ULK4: variants seen among roughly 807,000 people sequenced by gnomAD.
The protein encoded by ULK4 is unc-51 like kinase 4, also known as inactive serine/threonine-protein kinase ULK4.
In ULK4, 133 loss-of-function variants were observed where a neutral mutation model predicts 160.6. That is an observed-to-expected ratio of 0.83 (90% confidence interval 0.72 to 0.96). The LOEUF (loss-of-function observed/expected upper bound fraction) is 0.96, where lower values mean the gene tolerates loss of function less well. Among genes scored for constraint, ULK4 ranks in the 40% least tolerant of loss-of-function variants. The pLI is 0.00. For missense variants in ULK4, 1,580 were observed against 1,499.5 expected, an observed-to-expected ratio of 1.05 and a Z score of -0.89; for synonymous variants, 534 against 539.8, an observed-to-expected ratio of 0.99 and a Z score of 0.15.
chr3:41,691,282 GCA>G (rs2036289492), intron 27 of ULK4, among the ~76,000 whole-genome samples: 1 of 151,916 alleles, frequency 6.6e-6, no homozygotes, highest in Non-Finnish European at 1.5e-5. Context: ...CCCAAGGGAA[GCA>G]TCAGGGGGAA....
chr3:41,442,270 T>C (rs1157161451), intron 34 of ULK4, among the ~76,000 whole-genome samples: 1 of 152,152 alleles, frequency 6.6e-6, no homozygotes, highest in Non-Finnish European at 1.5e-5. Flanking sequence ...GAAAAACGGG[T>C]AACATAAGAT....
chr3:41,895,577 ATT>A lies in ULK4; in HGVS notation c.1531-15_1531-14del. ...TTAGCAATTGGAACTAGAATAAGAAATTTAAGTGTAAAGAAAAGAAAAAATTA... is the reference window on the plus strand; with the variant it reads ...TTAGCAATTGGAACTAGAATAAGAAATAAGTGTAAAGAAAAGAAAAAATTA... On this transcript the variant is annotated splice_polypyrimidine_tract_variant and intron_variant, in intron 15 of 36. Transcript: ENST00000301831. 1 of 1,484,312 alleles carries A rather than the reference ATT, an allele frequency of 6.7e-7. No individual in the cohort carries two copies. Among genetic ancestry groups the A allele is most frequent in the Non-Finnish European group, 9.0e-7 (1 of 1,115,082 alleles). 91.9% of individuals were successfully genotyped at this position (1,484,312 alleles called of 1,614,324 possible). A position where few individuals can be genotyped will look rare whatever the true frequency, so the allele number is the denominator to read the frequency against.
Position 41,398,232 on chromosome 3 carries a change from A to G in ULK4, c.3525T>C (p.Val1175=). The G allele has an allele frequency of 6.2e-7, 1 of 1,611,896 alleles. No individual in the cohort carries two copies. Among genetic ancestry groups the G allele is most frequent in the Non-Finnish European group, 8.5e-7 (1 of 1,179,362 alleles). Residue 1175 remains valine, a synonymous_variant, in exon 35 of 37, where the codon GTT becomes GTC. Coordinates refer to ENST00000301831, the MANE Select transcript of ULK4 (RefSeq NM_017886.4). ...LPNEDPEIFD[V]SSKCLSILVQ... is the part of the protein sequence containing the mutation. ...CCAGTATAGACAGGCACTTGGATGA[A>G]ACATCAAAAATCTCAGGATCTTCAT...
chr3:41,523,066 G>A (rs997985643), intron 32 of ULK4, among the ~76,000 whole-genome samples: 4 of 151,896 alleles, frequency 2.6e-5, no homozygotes, highest in Admixed American at 1.3e-4. Flanking sequence ...TCACCACCAC[G>A]CCCGACTAAT....
At chr3:41,633,723 T>C (rs2033839904) in intron 30 of ULK4, among the ~76,000 whole-genome samples, 1 of 152,020 alleles carries the variant, frequency 6.6e-6, no homozygotes, top group South Asian at 2.1e-4. Flanking sequence ...AAAGCAATGA[T>C]GAGGGGTATT....
chr3:41,567,608 G>A (rs553055612), intron 31 of ULK4, among the ~76,000 whole-genome samples: 18 of 151,898 alleles, frequency 1.2e-4, no homozygotes, highest in African/African-American at 4.1e-4. Flanking sequence ...CGTCATACCC[G>A]GCTAATTTTT....
At chr3:41,696,802 A>G (rs1295017240) in intron 27 of ULK4, among the ~76,000 whole-genome samples, 1 of 152,198 alleles carries the variant, frequency 6.6e-6, no homozygotes, top group Non-Finnish European at 1.5e-5. Flanking sequence ...TATAATAATA[A>G]GGATCCTTAA....
chr3:41,552,990 C>T (rs1039039666), intron 32 of ULK4, among the ~76,000 whole-genome samples: 2 of 151,968 alleles, frequency 1.3e-5, no homozygotes, highest in African/African-American at 4.8e-5. Flanking sequence ...ATGCCAAAAA[C>T]ATACAATGGA....
intron 34 of ULK4, among the ~76,000 whole-genome samples, chr3:41,437,738 G>A (rs1426707841): frequency 6.6e-6 from 1 of 152,330 alleles, no homozygotes; most frequent in South Asian, 2.1e-4. Flanking sequence ...GCAGGCACAT[G>A]AGCAGGTTAA....
intron 27 of ULK4, among the ~76,000 whole-genome samples, chr3:41,682,667 A>G (rs186099214): frequency 2.0e-5 from 3 of 152,336 alleles, no homozygotes; most frequent in East Asian, 1.9e-4. Context: ...ATGTGACAGT[A>G]TATCTCAATA....
intron 30 of ULK4, among the ~76,000 whole-genome samples, chr3:41,646,562 G>A (rs561766295): frequency 3.1e-4 from 47 of 152,298 alleles, no homozygotes; most frequent in African/African-American, 8.4e-4. Flanking sequence ...TGAGAGATCC[G>A]CTGTTAGTCT....
intron 32 of ULK4, among the ~76,000 whole-genome samples, chr3:41,475,137 C>A (rs189782458): frequency 3.9e-5 from 6 of 152,220 alleles, no homozygotes; most frequent in African/African-American, 9.6e-5. Context: ...GGTACATACA[C>A]GCAATGGAAT....
intron 30 of ULK4, among the ~76,000 whole-genome samples, chr3:41,628,133 T>A (rs2033603089): frequency 6.6e-6 from 1 of 152,166 alleles, no homozygotes; most frequent in Admixed American, 6.5e-5. Flanking sequence ...AGAACACTGC[T>A]AATCAAAGTG....
At chr3:41,734,333 AT>A (rs1254975839) in intron 22 of ULK4, among the ~76,000 whole-genome samples, 9 of 152,210 alleles carry the variant, frequency 5.9e-5, no homozygotes. Flanking sequence ...GTATTTGACT[AT>A]TACTGAGTAA....
At chr3:41,758,944 A>T (rs980973841) in intron 21 of ULK4, among the ~76,000 whole-genome samples, 3 of 152,150 alleles carry the variant, frequency 2.0e-5, no homozygotes, top group Non-Finnish European at 4.4e-5. Flanking sequence ...TAGCCATATC[A>T]ATTACTAATA....
intron 21 of ULK4, among the ~76,000 whole-genome samples, chr3:41,782,781 A>T (rs2039891732): frequency 6.6e-6 from 1 of 152,222 alleles, no homozygotes; most frequent in African/African-American, 2.4e-5. Flanking sequence ...GGAATAACTA[A>T]GGATGTCCAT....
intron 17 of ULK4, among the ~76,000 whole-genome samples, chr3:41,881,027 A>C (rs557948496): frequency 5.3e-5 from 8 of 152,344 alleles, no homozygotes; most frequent in Admixed American, 1.3e-4. Flanking sequence ...TTTAGGATTC[A>C]TCTTACACTT....
intron 35 of ULK4, among the ~76,000 whole-genome samples, chr3:41,384,542 T>G (rs2125798728): frequency 6.6e-6 from 1 of 152,196 alleles, no homozygotes; most frequent in Non-Finnish European, 1.5e-5. Flanking sequence ...TGAGATCAGA[T>G]GAGATCGGGT....
At chr3:41,258,479 AAGAGTG>A (rs1183828236) in intron 35 of ULK4, 51 of 152,324 alleles carry the variant, frequency 3.3e-4, no homozygotes, top group African/African-American at 1.2e-3. Flanking sequence ...AACGCCAGCG[AAGAGTG>A]TAAGCACAAT....
Sources: gnomAD v4.1 joint callset for allele counts (sites outside exome capture counted in the v4.1 genomes callset) on GRCh38, gnomAD v4.1.1 for gene constraint, MANE v1.5 for transcripts, NCBI Gene and HGNC (gene_info 2026-07-23, HGNC 2026-07-21) for gene names.